CMSS1: variants seen among roughly 807,000 people sequenced by gnomAD.
The protein encoded by CMSS1 is cms1 ribosomal small subunit homolog.
A neutral mutation model predicts 43.5 loss-of-function variants in CMSS1; 33 were observed. The observed-to-expected ratio is 0.76, with a 90% CI of 0.57 to 1.01. CMSS1 has a LOEUF of 1.01. Among genes scored for constraint, CMSS1 ranks in the 50% least tolerant of loss-of-function variants. The probability of loss-of-function intolerance (pLI) is 0.00; values close to 1 mark genes in which losing one functional copy is unlikely to be tolerated. For missense variants in CMSS1, 313 were observed against 326.4 expected (o/e 0.96, Z 0.32); for synonymous variants, 115 against 117.2 (o/e 0.98, Z 0.12).
chr3:99,935,636 C>G (rs949089282), intron 1 of CMSS1, among the ~76,000 whole-genome samples: 1 of 152,206 alleles, frequency 6.6e-6, no homozygotes, highest in Non-Finnish European at 1.5e-5. Context: ...CCTGATGGAT[C>G]CCGTGATAGC....
intron 1 of CMSS1, among the ~76,000 whole-genome samples, chr3:100,090,527 G>A (rs2066085485): frequency 2.0e-5 from 3 of 152,192 alleles, no homozygotes; most frequent in South Asian, 2.1e-4. Flanking sequence ...ACTTGCCCAG[G>A]CCCTCCCAGT....
At chr3:100,147,296 G>T (rs2066861945) in intron 2 of CMSS1, among the ~76,000 whole-genome samples, 1 of 123,104 alleles carries the variant, frequency 8.1e-6, no homozygotes, top group Non-Finnish European at 1.6e-5. Flanking sequence ...TTTGAGACAG[G>T]ATCTTGCTTT....
chr3:99,993,587 C>T (rs1709587190), intron 1 of CMSS1, among the ~76,000 whole-genome samples: 1 of 152,012 alleles, frequency 6.6e-6, no homozygotes, highest in Non-Finnish European at 1.5e-5. Flanking sequence ...AACTTTTCCC[C>T]ATTAAGTATG....
At chr3:99,823,504 C>A (rs1010565343) in intron 1 of CMSS1, among the ~76,000 whole-genome samples, 1 of 152,164 alleles carries the variant, frequency 6.6e-6, no homozygotes. Flanking sequence ...TCCATCAAGT[C>A]CTGTTGTCAC....
At chr3:100,039,654 A>G (rs908536075) in intron 1 of CMSS1, 4 of 152,208 alleles carry the variant, frequency 2.6e-5, no homozygotes, top group African/African-American at 9.6e-5. Context: ...TATATCACCA[A>G]GTAATTTTTC....
rs567486993 is a variant in CMSS1 at position 100,063,456 on chromosome 3, G to A, written c.65-83517G>A. 9.2e-5 allele frequency among the ~76,000 whole-genome samples: 14 copies of A among 151,958 alleles called. No individual in the cohort carries two copies. The East Asian group carries it at 2.3e-3, about 25-fold the overall frequency. ...CTGAATAGCTTTTTACTGTAACTCA[G>A]AATGATGGCCTTAATTTTCTCCAGG... On this transcript the variant is annotated intron_variant, in intron 1 of 9. Transcript: ENST00000421999.
At chr3:100,169,839 T>G (rs1239842811) in intron 6 of CMSS1, among the ~76,000 whole-genome samples, 1 of 152,228 alleles carries the variant, frequency 6.6e-6, no homozygotes, top group East Asian at 1.9e-4. Flanking sequence ...GGGCAAAGAG[T>G]GTGGCCTGGA....
chr3:100,002,047 C>T (rs1709857645), intron 1 of CMSS1, among the ~76,000 whole-genome samples: 1 of 152,150 alleles, frequency 6.6e-6, no homozygotes, highest in Admixed American at 6.5e-5. Context: ...GCTGGTGATG[C>T]GTGTGTGACT....
intron 1 of CMSS1, among the ~76,000 whole-genome samples, chr3:99,988,221 G>A (rs1289422797): frequency 6.6e-6 from 1 of 151,554 alleles, no homozygotes; most frequent in African/African-American, 2.4e-5. Flanking sequence ...AATTTGGCCG[G>A]GCGCAGTGCC....
intron 1 of CMSS1, among the ~76,000 whole-genome samples, chr3:99,948,200 G>T (rs560068769): frequency 4.3e-4 from 66 of 152,230 alleles, no homozygotes; most frequent in African/African-American, 1.5e-3. Context: ...CATGGTATAG[G>T]ACATGGAGAG....
chr3:99,864,029 C>G (rs995609970), intron 1 of CMSS1, among the ~76,000 whole-genome samples: 2 of 152,082 alleles, frequency 1.3e-5, no homozygotes, highest in Admixed American at 6.6e-5. Context: ...CAACTTCATG[C>G]TAAAGAAATT....
chr3:99,859,345 A>G (rs1944127585), intron 1 of CMSS1, among the ~76,000 whole-genome samples: 1 of 152,256 alleles, frequency 6.6e-6, no homozygotes, highest in African/African-American at 2.4e-5. Context: ...TCTCCCAGTA[A>G]CAACCAAATA....
chr3:99,902,507 G>A (rs908799354), intron 1 of CMSS1, among the ~76,000 whole-genome samples: 12 of 152,140 alleles, frequency 7.9e-5, no homozygotes, highest in African/African-American at 2.7e-4. Context: ...ATATATAAGG[G>A]TATCTAGCTG....
At chr3:100,026,351 C>T (rs751236699) in intron 1 of CMSS1, among the ~76,000 whole-genome samples, 4 of 151,912 alleles carry the variant, frequency 2.6e-5, no homozygotes, top group East Asian at 3.9e-4. Context: ...CAGACAGGCA[C>T]GGACAGCTAT....
At chr3:99,971,096 G>T (rs935259830) in intron 1 of CMSS1, among the ~76,000 whole-genome samples, 6 of 152,156 alleles carry the variant, frequency 3.9e-5, no homozygotes, top group Admixed American at 1.3e-4. Context: ...CCAGCACTTT[G>T]GGAGGCCAAG....
At chr3:99,922,617 A>T (rs1473642049) in intron 1 of CMSS1, among the ~76,000 whole-genome samples, 2 of 152,224 alleles carry the variant, frequency 1.3e-5, no homozygotes, top group East Asian at 3.8e-4. Context: ...TGAAGTATGA[A>T]TTGGAAGTAG....
chr3:100,043,106 T>C (rs113098057), intron 1 of CMSS1, among the ~76,000 whole-genome samples: 96 of 152,348 alleles, frequency 6.3e-4, no homozygotes, highest in Non-Finnish European at 1.1e-3. Context: ...TTTTGAATTA[T>C]AATGATGGAG....
chr3:99,966,923 TG>T (rs1433212762), intron 1 of CMSS1, among the ~76,000 whole-genome samples: 1 of 152,202 alleles, frequency 6.6e-6, no homozygotes. Context: ...TGAAAATAGA[TG>T]GAGTATGCCT....
chr3:100,128,904 G>A (rs1212135152), intron 1 of CMSS1, among the ~76,000 whole-genome samples: 1 of 152,144 alleles, frequency 6.6e-6, no homozygotes, highest in Non-Finnish European at 1.5e-5. Flanking sequence ...CTCTCTTGTT[G>A]ATGGGCATCT....
Sources: gnomAD v4.1 joint callset for allele counts (sites outside exome capture counted in the v4.1 genomes callset) on GRCh38, gnomAD v4.1.1 for gene constraint, MANE v1.5 for transcripts, NCBI Gene and HGNC (gene_info 2026-07-23, HGNC 2026-07-21) for gene names.